Variants in CNTNAP2 observed in about 807,000 individuals in gnomAD.
CNTNAP2 encodes the protein contactin-associated protein-like 2.
A neutral mutation model predicts 155.2 loss-of-function variants in CNTNAP2; 98 were observed. That is an observed-to-expected ratio of 0.63 (90% CI 0.54 to 0.75). The LOEUF is 0.75. CNTNAP2 is among the 30% of genes least tolerant of loss of function. CNTNAP2 has a pLI of 0.00. For missense variants in CNTNAP2, 1,727 were observed against 1,688.1 expected, an observed-to-expected ratio of 1.02 and a Z score of -0.40; for synonymous variants, 651 against 631.2, an observed-to-expected ratio of 1.03 and a Z score of -0.47.
chr7:146,517,677 G>T (rs1019289912), intron 1 of CNTNAP2, among the ~76,000 whole-genome samples: 1 of 151,794 alleles, frequency 6.6e-6, no homozygotes, highest in African/African-American at 2.4e-5. Flanking sequence ...GATCACTTTG[G>T]CAGGTTTGTA....
At chr7:147,109,399 G>A (rs1206994348) in intron 5 of CNTNAP2, among the ~76,000 whole-genome samples, 1 of 152,180 alleles carries the variant, frequency 6.6e-6, no homozygotes, top group East Asian at 1.9e-4. Flanking sequence ...TTCAGAAATA[G>A]AGAAGACTTT....
chr7:147,088,073 C>T (rs958875180), intron 4 of CNTNAP2, among the ~76,000 whole-genome samples: 1 of 152,190 alleles, frequency 6.6e-6, no homozygotes, highest in Admixed American at 6.5e-5. Context: ...TAGGCCTTAA[C>T]GTGGAAATTC....
chr7:147,272,387 G>A (rs547403120), intron 8 of CNTNAP2, among the ~76,000 whole-genome samples: 3 of 152,300 alleles, frequency 2.0e-5, no homozygotes, highest in African/African-American at 4.8e-5. Context: ...AAGCACTAGA[G>A]CACAAGGTTG....
At chr7:146,839,568 G>A in intron 2 of CNTNAP2, 143 bp from the exon 3 acceptor site, 1 of 819,710 alleles carries the variant, frequency 1.2e-6, no homozygotes, top group Admixed American at 2.1e-5. Context: ...AGTCCCAATG[G>A]CATCTATAAA....
intron 21 of CNTNAP2, among the ~76,000 whole-genome samples, chr7:148,361,188 G>A (rs147392716): frequency 6.6e-6 from 1 of 152,302 alleles, no homozygotes; most frequent in East Asian, 1.9e-4. Context: ...GGGTTGAGGG[G>A]AGATTGAAGC....
intron 9 of CNTNAP2, among the ~76,000 whole-genome samples, chr7:147,354,500 T>C (rs1796028057): frequency 6.6e-6 from 1 of 152,186 alleles, no homozygotes; most frequent in South Asian, 2.1e-4. Flanking sequence ...TCTATATCTC[T>C]GTTTTGGTAC....
chr7:147,573,908 C>A (rs1800342526), intron 12 of CNTNAP2, among the ~76,000 whole-genome samples: 1 of 152,142 alleles, frequency 6.6e-6, no homozygotes, highest in Non-Finnish European at 1.5e-5. Flanking sequence ...TTTAGTACAA[C>A]CTACTTCTTC....
At chr7:147,808,297 T>C (rs945194296) in intron 13 of CNTNAP2, among the ~76,000 whole-genome samples, 1 of 152,166 alleles carries the variant, frequency 6.6e-6, no homozygotes, top group Non-Finnish European at 1.5e-5. Context: ...GCGTCACTTC[T>C]ATAGCATTAT....
At chr7:147,866,893 T>C (rs1799239790) in intron 13 of CNTNAP2, among the ~76,000 whole-genome samples, 1 of 152,216 alleles carries the variant, frequency 6.6e-6, no homozygotes, top group African/African-American at 2.4e-5. Flanking sequence ...AGGTCTTGAC[T>C]CTTTATCCAA....
At chr7:147,680,294 G>A (rs1436432163) in intron 13 of CNTNAP2, among the ~76,000 whole-genome samples, 3 of 151,842 alleles carry the variant, frequency 2.0e-5, no homozygotes, top group Admixed American at 1.3e-4. Flanking sequence ...TTAAAGTATA[G>A]CGACTACTTT....
intron 1 of CNTNAP2, among the ~76,000 whole-genome samples, chr7:146,303,564 T>C (rs1800652978): frequency 6.6e-6 from 1 of 152,258 alleles, no homozygotes; most frequent in Admixed American, 6.5e-5. Flanking sequence ...TCAGTTTCCA[T>C]GTAGTTGAGC....
chr7:146,881,755 A>ATTTTTTTTT (rs11416504), intron 3 of CNTNAP2, among the ~76,000 whole-genome samples: 1 of 123,718 alleles, frequency 8.1e-6, no homozygotes, highest in Non-Finnish European at 1.6e-5. Flanking sequence ...GATCCCTATA[A>ATTTTTTTTT]TTTTTTTTTT....
At chr7:148,098,101 G>A (rs923061626) in intron 15 of CNTNAP2, among the ~76,000 whole-genome samples, 21 of 152,100 alleles carry the variant, frequency 1.4e-4, no homozygotes, top group African/African-American at 5.1e-4. Context: ...TGGTATGTGG[G>A]AAGTGTTCTG....
At chr7:146,843,637 A>G (rs1185362423) in intron 3 of CNTNAP2, among the ~76,000 whole-genome samples, 1 of 150,328 alleles carries the variant, frequency 6.7e-6, no homozygotes, top group East Asian at 1.9e-4. Flanking sequence ...GACGTATTCT[A>G]AAAGAGTTAA....
chr7:146,300,575 T>C (rs1800590172), intron 1 of CNTNAP2, among the ~76,000 whole-genome samples: 1 of 152,136 alleles, frequency 6.6e-6, no homozygotes, highest in South Asian at 2.1e-4. Context: ...ATGGTTTGGC[T>C]GATAGATACT....
intron 8 of CNTNAP2, among the ~76,000 whole-genome samples, chr7:147,286,129 AG>A (rs1563146392): frequency 6.6e-6 from 1 of 152,076 alleles, no homozygotes; most frequent in Non-Finnish European, 1.5e-5. Flanking sequence ...CCTCAGAAAA[AG>A]TCAGAGGAAT....
chr7:147,741,915 A>G (rs1019187688), intron 13 of CNTNAP2, among the ~76,000 whole-genome samples: 3 of 152,154 alleles, frequency 2.0e-5, no homozygotes, highest in Non-Finnish European at 4.4e-5. Flanking sequence ...AGACTGGGCA[A>G]TTTACAAAGG....
intron 18 of CNTNAP2, among the ~76,000 whole-genome samples, chr7:148,205,807 A>G (rs1193317693): frequency 2.0e-5 from 3 of 152,308 alleles, no homozygotes; most frequent in East Asian, 3.9e-4. Flanking sequence ...ATGAACATTT[A>G]TTGAATATCT....
At chr7:146,504,441 C>A (rs528244166) in intron 1 of CNTNAP2, among the ~76,000 whole-genome samples, 1 of 152,312 alleles carries the variant, frequency 6.6e-6, no homozygotes, top group African/African-American at 2.4e-5. Flanking sequence ...ACATTGCATT[C>A]CCAAAACAGC....
Sources: allele counts gnomAD v4.1 joint callset (sites outside exome capture counted in the v4.1 genomes callset), GRCh38; gene constraint gnomAD v4.1.1; transcripts MANE v1.5; gene names NCBI Gene and HGNC (gene_info 2026-07-23, HGNC 2026-07-21).